PLPP4: variants seen among roughly 807,000 people sequenced by gnomAD.
PLPP4 encodes phospholipid phosphatase 4.
Under a neutral mutation model 32.2 loss-of-function variants are expected in PLPP4, and 20 were observed. The observed-to-expected ratio is 0.62, with a 90% confidence interval of 0.44 to 0.90. The LOEUF (loss-of-function observed/expected upper bound fraction) is 0.90. Ranked by LOEUF, PLPP4 falls within the 40% of genes least tolerant of loss-of-function variation. The pLI, the probability that PLPP4 is intolerant of heterozygous loss-of-function variation, is 0.00. For missense variants in PLPP4, 257 were observed against 353.1 expected (o/e 0.73, Z 2.18); for synonymous variants, 127 against 133.0 (o/e 0.95, Z 0.31).
intron 6 of PLPP4, among the ~76,000 whole-genome samples, chr10:120,585,759 A>G (rs1162099929): frequency 6.6e-6 from 1 of 152,164 alleles, no homozygotes; most frequent in Admixed American, 6.5e-5. Context: ...TGGTTACCTT[A>G]CTGCAGCCCC....
chr10:120,536,671 C>CGAAA (rs372617655), intron 5 of PLPP4, among the ~76,000 whole-genome samples: 1 of 124,738 alleles, frequency 8.0e-6, no homozygotes, highest in Non-Finnish European at 1.7e-5. Flanking sequence ...AAAGCACAGG[C>CGAAA]AAAAAAAAAA....
chr10:120,559,281 T>C (rs1477416261), intron 5 of PLPP4, among the ~76,000 whole-genome samples: 1 of 146,906 alleles, frequency 6.8e-6, no homozygotes, highest in African/African-American at 2.5e-5. Flanking sequence ...AATATCTCCC[T>C]TTCCTTGCTT....
intron 5 of PLPP4, among the ~76,000 whole-genome samples, chr10:120,547,681 G>C (rs1184387353): frequency 6.6e-6 from 1 of 152,056 alleles, no homozygotes; most frequent in Non-Finnish European, 1.5e-5. Context: ...AGTTTCATGA[G>C]GCACCATACC....
chr10:120,533,292 T>A (rs1236441963), intron 5 of PLPP4, among the ~76,000 whole-genome samples: 1 of 152,212 alleles, frequency 6.6e-6, no homozygotes, highest in Non-Finnish European at 1.5e-5. Context: ...TTTCATTTGC[T>A]TATTGGCCGT....
At chr10:120,507,219 A>G (rs1217562298) in intron 2 of PLPP4, among the ~76,000 whole-genome samples, 1 of 152,124 alleles carries the variant, frequency 6.6e-6, no homozygotes, top group Non-Finnish European at 1.5e-5. Context: ...GAGAAGTCCA[A>G]TGAGACTTGG....
At chr10:120,582,704 A>T (rs1323101739) in intron 6 of PLPP4, among the ~76,000 whole-genome samples, 1 of 151,164 alleles carries the variant, frequency 6.6e-6, no homozygotes, top group Non-Finnish European at 1.5e-5. Flanking sequence ...CTTATTCTCT[A>T]CAAGTTCTTT....
chr10:120,485,604 C>T (rs1844410561), intron 1 of PLPP4, among the ~76,000 whole-genome samples: 1 of 152,198 alleles, frequency 6.6e-6, no homozygotes, highest in Admixed American at 6.5e-5. Flanking sequence ...TCAAAACATG[C>T]ACATGGTTTT....
intron 1 of PLPP4, among the ~76,000 whole-genome samples, chr10:120,489,420 C>T (rs972690858): frequency 3.3e-5 from 5 of 152,102 alleles, no homozygotes; most frequent in South Asian, 2.1e-4. Flanking sequence ...CCCTGGTGAC[C>T]GTTAAATACC....
At chr10:120,581,004 G>A (rs1190601752) in intron 6 of PLPP4, 30 of 1,289,150 alleles carry the variant, frequency 2.3e-5, no homozygotes, top group East Asian at 5.6e-5. Context: ...AAGTCCACCC[G>A]CCTCTGTGTT....
At chr10:120,474,739 A>G (rs1337048865) in intron 1 of PLPP4, among the ~76,000 whole-genome samples, 2 of 152,210 alleles carry the variant, frequency 1.3e-5, no homozygotes, top group African/African-American at 4.8e-5. Flanking sequence ...AGAGATGATG[A>G]TATGATAATG....
intron 6 of PLPP4, among the ~76,000 whole-genome samples, 154 bp downstream of exon 6, chr10:120,575,455 A>G (rs900488215): frequency 2.6e-5 from 4 of 152,166 alleles, no homozygotes; most frequent in African/African-American, 9.6e-5. Flanking sequence ...TTTTGAAGCA[A>G]ATATGCTGGT....
chr10:120,584,279 C>CT (rs1849652110), intron 6 of PLPP4, among the ~76,000 whole-genome samples: 1 of 152,222 alleles, frequency 6.6e-6, no homozygotes, highest in African/African-American at 2.4e-5. Flanking sequence ...GCCCAGATCT[C>CT]TGTGCTGGGC....
intron 1 of PLPP4, among the ~76,000 whole-genome samples, chr10:120,478,975 C>G (rs1844060493): frequency 6.6e-6 from 1 of 152,180 alleles, no homozygotes; most frequent in African/African-American, 2.4e-5. Flanking sequence ...GCCTGTAATC[C>G]CAGCACTTTG....
chr10:120,559,038 G>C (rs551083277), intron 5 of PLPP4, among the ~76,000 whole-genome samples: 1 of 152,250 alleles, frequency 6.6e-6, no homozygotes, highest in South Asian at 2.1e-4. Flanking sequence ...TTTAGTTTTT[G>C]CTTGTCTGAA....
At chr10:120,527,538 T>C (rs921375139) in intron 5 of PLPP4, among the ~76,000 whole-genome samples, 3 of 152,126 alleles carry the variant, frequency 2.0e-5, no homozygotes, top group Admixed American at 1.3e-4. Flanking sequence ...GGTGTGTGTT[T>C]GACTGAACAA....
rs535579194 is a variant in PLPP4 at position 120,587,358 on chromosome 10, G to C, written c.617-1945G>C. The C allele has an allele frequency of 5.3e-5, 8 of 152,318 alleles. No individual in the cohort carries two copies. The South Asian group carries it at 1.7e-3, about 32-fold the overall frequency. The allele number at this position is 152,318 out of a possible 1,614,324, so 9.4% of individuals were successfully genotyped here. A position where few individuals can be genotyped will look rare whatever the true frequency, so the allele number is the denominator to read the frequency against. On this transcript the variant is annotated intron_variant, in intron 6 of 6. Coordinates refer to ENST00000398250, the MANE Select transcript of PLPP4 (RefSeq NM_001030059.3). Reference sequence around the variant, plus strand: ...GTCCCAAGTCCAGTTCCAGAGCAGCGTACTGGGCCCCTGGTCTACATGCAC... The same window carrying C: ...GTCCCAAGTCCAGTTCCAGAGCAGCCTACTGGGCCCCTGGTCTACATGCAC...
intron 5 of PLPP4, among the ~76,000 whole-genome samples, chr10:120,538,002 CTCT>C (rs1847118135): frequency 1.5e-4 from 1 of 6,638 alleles, no homozygotes; most frequent in Non-Finnish European, 3.5e-4. Flanking sequence ...TTCTCTCTCT[CTCT>C]CTCTCTCTCT....
At chr10:120,536,170 A>G (rs1420483290) in intron 5 of PLPP4, among the ~76,000 whole-genome samples, 1 of 152,084 alleles carries the variant, frequency 6.6e-6, no homozygotes, top group Admixed American at 6.5e-5. Context: ...GCATTTAGGC[A>G]TTTTTCACAG....
chr10:120,559,915 G>A lies in PLPP4; in HGVS notation c.446-15216G>A, dbSNP rs74842106. The stretch of plus-strand genomic sequence containing the variant: ...AGCTGCAGTATTAAATCACAGCTGC[G>A]TAAGATTAACTGTAGAATGCGCTGC... On this transcript the variant is annotated intron_variant, in intron 5 of 6. Coordinates refer to ENST00000398250, the MANE Select transcript of PLPP4 (RefSeq NM_001030059.3). Among the ~76,000 whole-genome samples the A allele has an allele frequency of 1.4e-4, 22 of 152,290 alleles. No individual in the cohort carries two copies. The East Asian group carries it at 2.7e-3, about 19-fold the overall frequency.
Sources: gnomAD v4.1 joint callset for allele counts (sites outside exome capture counted in the v4.1 genomes callset) on GRCh38, gnomAD v4.1.1 for gene constraint, MANE v1.5 for transcripts, NCBI Gene and HGNC (gene_info 2026-07-23, HGNC 2026-07-21) for gene names.